ZFHX3: variants seen among roughly 807,000 people sequenced by gnomAD.
ZFHX3 encodes zinc finger homeobox protein 3.
ZFHX3 carries 42 observed loss-of-function variants against 279.1 expected under a neutral mutation model. The ratio of observed to expected loss-of-function variants is 0.15; its 90% CI spans 0.12 to 0.19. The LOEUF (loss-of-function observed/expected upper bound fraction) is 0.19, where lower values mean the gene tolerates loss of function less well. ZFHX3 is among the 10% of genes least tolerant of loss of function. The pLI, the probability that ZFHX3 is intolerant of heterozygous loss-of-function variation, is 1.00. For missense variants in ZFHX3, 4,981 were observed against 4,754.0 expected, an observed-to-expected ratio of 1.05 and a Z score of -1.40; for synonymous variants, 2,293 against 1,957.8, an observed-to-expected ratio of 1.17 and a Z score of -4.52.
At chr16:73,844,895 G>A (rs1426808011) in intron 1 of ZFHX3, among the ~76,000 whole-genome samples, 1 of 151,936 alleles carries the variant, frequency 6.6e-6, no homozygotes, top group Non-Finnish European at 1.5e-5. Context: ...GTAGGAAGAT[G>A]ATGAATAGAT....
Position 72,957,448 on chromosome 16 carries a change from C to T in ZFHX3, c.2698G>A (p.Ala900Thr), listed in dbSNP as rs147417462. 42 of 1,611,024 alleles carry T rather than the reference C, an allele frequency of 2.6e-5. No individual in the cohort carries two copies. The African/African-American group carries it at 5.2e-4, about 20-fold the overall frequency. Residue 900 changes from alanine to threonine, a missense_variant, in exon 2 of 10, where the codon GCC (alanine) becomes ACC (threonine). By Grantham distance (58) the Ala-to-Thr change is moderately conservative (BLOSUM62 0). Transcript: ENST00000268489. The stretch of plus-strand genomic sequence containing the variant: ...TCACCTAGAGCAGGCGTCATGGCGG[C>T]CATGGGCCCGGCGGGATCCAGCTGG... ...GFQLDPAGPMAAMTPALVGGE... is the reference protein window; with the variant it reads ...GFQLDPAGPMTAMTPALVGGE...
At chr16:73,610,250 C>T (rs1387925453) in intron 2 of ZFHX3, among the ~76,000 whole-genome samples, 2 of 152,068 alleles carry the variant, frequency 1.3e-5, no homozygotes, top group Non-Finnish European at 1.5e-5. Flanking sequence ...GGAGAGCGGC[C>T]GGGCCTGATG....
chr16:73,491,968 A>G (rs1210758431), intron 2 of ZFHX3, among the ~76,000 whole-genome samples: 1 of 152,186 alleles, frequency 6.6e-6, no homozygotes, highest in East Asian at 1.9e-4. Flanking sequence ...TTGCCCATTG[A>G]GTGCTTTTCA....
Position 72,795,022 on chromosome 16 carries a change from G to C in ZFHX3, c.7660C>G (p.Leu2554Val), listed in dbSNP as rs755621991. 1.2e-6 allele frequency: 2 copies of C among 1,614,206 alleles called. No individual in the cohort carries two copies. The highest frequency in any genetic ancestry group is 1.7e-6 in the Non-Finnish European group (2 of 1,180,044). ...HWQEHQQLHF[L>V]SAQNQFIHPQ... ...TGGATGAACTGGTTCTGCGCGCTCA[G>C]GAAGTGGAGCTGCTGATGCTCCTGC... The change falls in exon 9 of 10, where the codon CTG (leucine) becomes GTG (valine). Residue 2554 changes from leucine to valine, a missense_variant. Coordinates refer to ENST00000268489, the MANE Select transcript of ZFHX3 (RefSeq NM_006885.4).
intron 1 of ZFHX3, among the ~76,000 whole-genome samples, chr16:73,043,462 C>A (rs919450990): frequency 6.6e-5 from 10 of 152,126 alleles, no homozygotes; most frequent in African/African-American, 2.2e-4. Flanking sequence ...TTATTTGAGC[C>A]CTTATTCTTG....
intron 5 of ZFHX3, among the ~76,000 whole-genome samples, chr16:73,192,869 C>T (rs1968073315): frequency 6.6e-6 from 1 of 152,186 alleles, no homozygotes; most frequent in African/African-American, 2.4e-5. Context: ...ACTGGCCCAA[C>T]AGGGAAGAGC....
intron 5 of ZFHX3, among the ~76,000 whole-genome samples, chr16:73,240,983 T>G (rs2013104117): frequency 6.6e-6 from 1 of 152,202 alleles, no homozygotes; most frequent in Non-Finnish European, 1.5e-5. Context: ...TATAAATAAT[T>G]GGCACTCACC....
At chr16:73,469,487 G>T (rs74028668) in intron 2 of ZFHX3, among the ~76,000 whole-genome samples, 4,163 of 152,150 alleles carry the variant, frequency 0.027, 163 homozygotes, top group African/African-American at 0.093. Flanking sequence ...TATGAGTTCT[G>T]CAGGTTCTCA....
At chr16:73,841,105 C>T (rs1205244340) in intron 1 of ZFHX3, among the ~76,000 whole-genome samples, 1 of 152,182 alleles carries the variant, frequency 6.6e-6, no homozygotes, top group Non-Finnish European at 1.5e-5. Flanking sequence ...GGAGAAAAGT[C>T]TTCCTTCTCA....
intron 2 of ZFHX3, among the ~76,000 whole-genome samples, chr16:73,512,501 A>G (rs2019450720): frequency 7.8e-6 from 1 of 128,912 alleles, no homozygotes; most frequent in South Asian, 3.2e-4. Context: ...TGTGGAAAAA[A>G]AAAAAGAAAA....
chr16:72,860,078 A>G (rs1244847452), intron 4 of ZFHX3, among the ~76,000 whole-genome samples: 1 of 152,188 alleles, frequency 6.6e-6, no homozygotes, highest in Non-Finnish European at 1.5e-5. Flanking sequence ...TGGGAAGTAC[A>G]ACACTCCCTC....
intron 1 of ZFHX3, among the ~76,000 whole-genome samples, chr16:73,767,765 G>A (rs527374393): frequency 5.3e-5 from 8 of 152,226 alleles, no homozygotes; most frequent in South Asian, 2.1e-4. Flanking sequence ...TGTGATCTGC[G>A]ATGGGAGACT....
chr16:73,109,056 G>A (rs1283173199), intron 7 of ZFHX3, among the ~76,000 whole-genome samples: 3 of 152,224 alleles, frequency 2.0e-5, no homozygotes, highest in Non-Finnish European at 2.9e-5. Flanking sequence ...TCTTCAGAGG[G>A]GACCCTCCAC....
chr16:73,581,659 CTTTTTTTTTTTTTT>C (rs11286052), intron 2 of ZFHX3, among the ~76,000 whole-genome samples: 3 of 73,428 alleles, frequency 4.1e-5, no homozygotes, highest in South Asian at 4.1e-4. Context: ...TCGAATGTCT[CTTTTTTTTTTTTTT>C]TTTTTTTTTT....
intron 1 of ZFHX3, among the ~76,000 whole-genome samples, chr16:73,766,040 G>A (rs1183102765): frequency 6.6e-6 from 1 of 152,122 alleles, no homozygotes; most frequent in Non-Finnish European, 1.5e-5. Context: ...TCTAGTCCCT[G>A]GAGCAGAATT....
At chr16:73,757,708 T>A (rs1447736093) in intron 1 of ZFHX3, among the ~76,000 whole-genome samples, 1 of 152,166 alleles carries the variant, frequency 6.6e-6, no homozygotes, top group African/African-American at 2.4e-5. Context: ...GTATTATTAT[T>A]GGAGCACAGA....
chr16:73,112,498 A>T (rs1966386806), intron 7 of ZFHX3, among the ~76,000 whole-genome samples: 1 of 152,022 alleles, frequency 6.6e-6, no homozygotes, highest in South Asian at 2.1e-4. Flanking sequence ...GGATCACCTG[A>T]GGTCAGGAGT....
At position 73,483,304 on chromosome 16, in the gene ZFHX3, A is replaced by G. The variant is rs1175716159; in HGVS notation, c.-1546-27046T>C. 3 of 445,256 alleles carry G rather than the reference A, an allele frequency of 6.7e-6. No homozygotes were observed. The East Asian group carries it at 2.2e-4, about 32-fold the overall frequency. 27.6% of individuals were successfully genotyped at this position (445,256 alleles called of 1,614,324 possible). A position where few individuals can be genotyped will look rare whatever the true frequency, so the allele number is the denominator to read the frequency against. ...GACACGTGCACGGAGCCTCCGAGAGAGAGCGAGAGACCAAGAGCGAGCGAG... is the reference window on the plus strand; with the variant it reads ...GACACGTGCACGGAGCCTCCGAGAGGGAGCGAGAGACCAAGAGCGAGCGAG... On this transcript the variant is annotated intron_variant, in intron 2 of 17. Coordinates refer to the ZFHX3 transcript ENST00000641206.
At chr16:73,302,159 C>G (rs1019463569) in intron 4 of ZFHX3, among the ~76,000 whole-genome samples, 2 of 152,148 alleles carry the variant, frequency 1.3e-5, no homozygotes, top group Admixed American at 1.3e-4. Flanking sequence ...AGCTCCCTTT[C>G]TCTTTCTTTT....
Sources: allele counts gnomAD v4.1 joint callset (sites outside exome capture counted in the v4.1 genomes callset), GRCh38; gene constraint gnomAD v4.1.1; transcripts MANE v1.5; gene names NCBI Gene and HGNC (gene_info 2026-07-23, HGNC 2026-07-21).